RSAD2: variants seen among roughly 807,000 people sequenced by gnomAD.
RSAD2 encodes radical S-adenosyl methionine domain containing 2, also known as S-adenosylmethionine-dependent nucleotide dehydratase RSAD2.
In RSAD2, 38 loss-of-function variants were observed where a neutral mutation model predicts 37.7. The observed-to-expected ratio is 1.01, with a 90% CI of 0.78 to 1.32. The LOEUF (loss-of-function observed/expected upper bound fraction) is 1.32, where lower values mean the gene tolerates loss of function less well. Ranked by LOEUF, RSAD2 falls within the 40% of genes most tolerant of loss-of-function variation. The probability of loss-of-function intolerance (pLI) is 0.00; values close to 1 mark genes in which losing one functional copy is unlikely to be tolerated. For missense variants in RSAD2, 428 were observed against 437.5 expected, an observed-to-expected ratio of 0.98 and a Z score of 0.19; for synonymous variants, 163 against 157.4, an observed-to-expected ratio of 1.04 and a Z score of -0.27.
Position 6,887,045 on chromosome 2 carries a change from C to T in RSAD2, c.619C>T (p.Leu207=). ...GAACCATGTGGAAAACCTTCAAAAG[C>T]TGAGGAGGTGGTGTAGGGATTATAG... ...KKNHVENLQK[L]RRWCRDYRVA... Residue 207 remains leucine (L), a synonymous_variant, in exon 3 of 6, where the codon CTG becomes TTG. Coordinates refer to ENST00000382040, the MANE Select transcript of RSAD2 (RefSeq NM_080657.5). The T allele has an allele frequency of 6.2e-7, 1 of 1,614,118 alleles. No individual in the cohort carries two copies. The highest frequency in any genetic ancestry group is 8.5e-7 in the Non-Finnish European group (1 of 1,179,966).
At position 6,883,418 on chromosome 2, in the gene RSAD2, C is replaced by T. The variant is rs186289991; in HGVS notation, c.394C>T (p.Arg132Trp). 9.0e-5 allele frequency: 145 copies of T among 1,614,058 alleles called. No homozygotes were observed. In the East Asian group the frequency reaches 2.1e-3, roughly 23 times the overall value. ...AGGTGGAGAGCCATTTCTTCAAGAC[C>T]GGGGAGAATACCTGGGCAAGTTGGT... Reference protein sequence around the residue: ...FSGGEPFLQDRGEYLGKLVRF... With the variant: ...FSGGEPFLQDWGEYLGKLVRF... The change falls in exon 2 of 6, where the codon CGG becomes TGG. Residue 132 changes from arginine to tryptophan, a missense_variant. Transcript: ENST00000382040.
At position 6,890,242 on chromosome 2, in the gene RSAD2, T is replaced by C. The variant is rs1238775726; in HGVS notation, c.805T>C (p.Phe269Leu). The change falls in exon 4 of 6, where the codon TTT becomes CTT. Residue 269 changes from phenylalanine to leucine, a missense_variant. By Grantham distance (22) the Phe-to-Leu change is conservative (BLOSUM62 0). Coordinates refer to ENST00000382040, the MANE Select transcript of RSAD2 (RefSeq NM_080657.5). Reference sequence around the variant, plus strand: ...AGATGCTCTAAGAGAAGCAGAAAGATTTGTTATTGGTGATGAAGAATTTGA... The same window carrying C: ...AGATGCTCTAAGAGAAGCAGAAAGACTTGTTATTGGTGATGAAGAATTTGA... The part of the protein sequence containing the change: ...GEDALREAER[F>L]VIGDEEFERF... 2.5e-6 allele frequency: 4 copies of C among 1,613,996 alleles called. No individual in the cohort carries two copies. The highest frequency in any genetic ancestry group is 2.7e-5 in the African/African-American group (2 of 74,894).
upstream of RSAD2, chr2:6,877,699 C>A (rs1663308681): frequency 2.4e-6 from 2 of 836,202 alleles, no homozygotes. Context: ...AAGGTGTGTC[C>A]TGCTCCCCAA....
chr2:6,865,915 A>T, exon 1 of RSAD2: 2 of 1,403,986 alleles, frequency 1.4e-6, no homozygotes, highest in Non-Finnish European at 1.9e-6. Context: ...TGTGCGCGAT[A>T]AACGGCCGGC....
intron 1 of RSAD2, among the ~76,000 whole-genome samples, chr2:6,878,441 A>G (rs916025099): frequency 2.0e-5 from 3 of 152,198 alleles, no homozygotes; most frequent in Non-Finnish European, 4.4e-5. Flanking sequence ...GCAGGTCCCT[A>G]TTACACTTGG....
intron 1 of RSAD2, among the ~76,000 whole-genome samples, chr2:6,882,609 A>AT (rs1663435738): frequency 6.6e-6 from 1 of 152,176 alleles, no homozygotes; most frequent in Non-Finnish European, 1.5e-5. Flanking sequence ...GTAAAAGAAG[A>AT]TTTTTCTTTA....
At chr2:6,884,363 G>A (rs537029289) in intron 2 of RSAD2, among the ~76,000 whole-genome samples, 1 of 152,194 alleles carries the variant, frequency 6.6e-6, no homozygotes, top group Non-Finnish European at 1.5e-5. Flanking sequence ...AGATGCAGGT[G>A]AATTAGGAAG....
At chr2:6,866,392 A>C in intron 1 of RSAD2, 2 of 953,150 alleles carry the variant, frequency 2.1e-6, no homozygotes, top group Non-Finnish European at 2.5e-6. Flanking sequence ...GCACTCACTC[A>C]CCTGTGCACA....
chr2:6,872,490 G>A (rs1558332216), intron 1 of RSAD2, among the ~76,000 whole-genome samples: 1 of 152,150 alleles, frequency 6.6e-6, no homozygotes, highest in Non-Finnish European at 1.5e-5. Context: ...GCTATTTAGG[G>A]CAGAGGGCAT....
At chr2:6,892,023 G>T (rs934736890) in intron 4 of RSAD2, among the ~76,000 whole-genome samples, 1 of 152,094 alleles carries the variant, frequency 6.6e-6, no homozygotes, top group Admixed American at 6.5e-5. Context: ...TATTCCTTTG[G>T]TTATCTTGGA....
chr2:6,889,381 A>G (rs570186643), intron 3 of RSAD2, among the ~76,000 whole-genome samples: 1 of 152,354 alleles, frequency 6.6e-6, no homozygotes, highest in Non-Finnish European at 1.5e-5. Context: ...GCAAAAAAGA[A>G]GAGGAAAAAT....
chr2:6,880,872 G>A (rs1305694467), intron 1 of RSAD2, among the ~76,000 whole-genome samples: 1 of 151,392 alleles, frequency 6.6e-6, no homozygotes, highest in Non-Finnish European at 1.5e-5. Context: ...GGCTAAAGAT[G>A]CTCCTAAAAT....
At chr2:6,886,643 G>T (rs1440264255) in intron 2 of RSAD2, among the ~76,000 whole-genome samples, 1 of 152,134 alleles carries the variant, frequency 6.6e-6, no homozygotes, top group East Asian at 1.9e-4. Flanking sequence ...TTTGTATGCA[G>T]GAATAAATGA....
Position 6,895,974 on chromosome 2 carries a change from A to C in RSAD2, c.*32A>C. 1 of 1,602,394 alleles carries C rather than the reference A, an allele frequency of 6.2e-7. No homozygotes were observed. The highest frequency in any genetic ancestry group is 8.5e-7 in the Non-Finnish European group (1 of 1,171,968). ...AAGTGGAACGAGACTTCAACACACC[A>C]GTGGGAAAACTCCTAGAGTAACTGC... On this transcript the variant is annotated 3_prime_UTR_variant, in exon 6 of 6. Coordinates refer to ENST00000382040, the MANE Select transcript of RSAD2 (RefSeq NM_080657.5).
upstream of RSAD2, among the ~76,000 whole-genome samples, chr2:6,875,491 T>TG (rs2103237484): frequency 1.3e-5 from 2 of 152,304 alleles, no homozygotes; most frequent in South Asian, 4.1e-4. Flanking sequence ...TCCAGATGGT[T>TG]GGGGTAGCCA....
chr2:6,873,950 C>A (rs1663241389), upstream of RSAD2, among the ~76,000 whole-genome samples: 1 of 151,862 alleles, frequency 6.6e-6, no homozygotes, highest in Non-Finnish European at 1.5e-5. Context: ...GATTTGTGTC[C>A]CCAACCAAAT....
At chr2:6,883,064 A>C (rs1444667889) in intron 1 of RSAD2, among the ~76,000 whole-genome samples, 3 of 152,204 alleles carry the variant, frequency 2.0e-5, no homozygotes, top group Non-Finnish European at 2.9e-5. Context: ...GCCCGTGGAC[A>C]GTCACGCCAC....
intron 2 of RSAD2, 53 bp downstream of exon 2, chr2:6,883,585 G>A: frequency 6.3e-7 from 1 of 1,597,456 alleles, no homozygotes; most frequent in Non-Finnish European, 8.6e-7. Flanking sequence ...TTTTATTGTT[G>A]GTTCTTATAT....
rs1184527436 is a variant in RSAD2 at position 6,896,001 on chromosome 2, A to G, written c.*59A>G. 1.3e-6 allele frequency: 2 copies of G among 1,515,190 alleles called. No homozygotes were observed. The highest frequency in any genetic ancestry group is 1.8e-6 in the Non-Finnish European group (2 of 1,103,946). The allele number at this position is 1,515,190 out of a possible 1,614,324, so 93.9% of individuals were successfully genotyped here. A position where few individuals can be genotyped will look rare whatever the true frequency, so the allele number is the denominator to read the frequency against. Reference sequence around the variant, plus strand: ...TGGGAAAACTCCTAGAGTAACTGCCATTGTCTGCAATACTATCCCGTTGGT... The same window carrying G: ...TGGGAAAACTCCTAGAGTAACTGCCGTTGTCTGCAATACTATCCCGTTGGT... On this transcript the variant is annotated 3_prime_UTR_variant, in exon 6 of 6. Coordinates refer to ENST00000382040, the MANE Select transcript of RSAD2 (RefSeq NM_080657.5).
Sources: allele counts gnomAD v4.1 joint callset (sites outside exome capture counted in the v4.1 genomes callset), GRCh38; gene constraint gnomAD v4.1.1; transcripts MANE v1.5; gene names NCBI Gene and HGNC (gene_info 2026-07-23, HGNC 2026-07-21).